Variants in TIMELESS observed in about 807,000 individuals in gnomAD.
The protein encoded by TIMELESS is timeless circadian regulator.
Under a neutral mutation model 164.3 loss-of-function variants are expected in TIMELESS, and 124 were observed. That is an observed-to-expected ratio of 0.75 (90% CI 0.65 to 0.88). TIMELESS has a LOEUF of 0.88. Ranked by LOEUF, TIMELESS falls within the 40% of genes least tolerant of loss-of-function variation. The pLI is 0.00. For missense variants in TIMELESS, 1,422 were observed against 1,491.4 expected (o/e 0.95, Z 0.77); for synonymous variants, 564 against 563.4 (o/e 1.00, Z -0.02).
intron 1 of TIMELESS, among the ~76,000 whole-genome samples, chr12:56,439,233 A>AATTTATAT (rs1882175642): frequency 6.6e-6 from 1 of 150,576 alleles, no homozygotes; most frequent in African/African-American, 2.4e-5. Flanking sequence ...TGTATGATGG[A>AATTTATAT]ATTTATATGA....
At chr12:56,446,706 C>T (rs909067766) in intron 1 of TIMELESS, among the ~76,000 whole-genome samples, 4 of 151,812 alleles carry the variant, frequency 2.6e-5, no homozygotes, top group Admixed American at 2.6e-4. Context: ...GTGGTGGGTG[C>T]CTGTAATTCC....
At position 56,448,630 on chromosome 12, in the gene TIMELESS, G is replaced by A. The variant is rs750045779; in HGVS notation, c.-62+680C>T. Among the ~76,000 whole-genome samples the A allele has an allele frequency of 1.1e-3, 174 of 151,666 alleles. 1 individual carries two copies. The highest frequency in any genetic ancestry group is 1.5e-3 in the Non-Finnish European group (99 of 67,938). On this transcript the variant is annotated intron_variant, in intron 1 of 28. Coordinates refer to ENST00000553532, the MANE Select transcript of TIMELESS (RefSeq NM_003920.5). ...TGTAATCCCAGCTACTCAGGAAGCT[G>A]AGGCAAGAGAATCGCTTGAACCCGG...
chr12:56,417,700 T>TA lies in TIMELESS; in HGVS notation c.*15dup. ...CTAAAAACGTGTCTATCTCTACCCCTAGGCTTCTTAGCTCTTCAGTCATCC... is the reference window on the plus strand; with the variant it reads ...CTAAAAACGTGTCTATCTCTACCCCTAAGGCTTCTTAGCTCTTCAGTCATCC... On this transcript the variant is annotated 3_prime_UTR_variant, in exon 29 of 29. Coordinates refer to ENST00000553532, the MANE Select transcript of TIMELESS (RefSeq NM_003920.5). The TA allele has an allele frequency of 6.2e-7, 1 of 1,614,034 alleles. No homozygotes were observed. Among genetic ancestry groups the TA allele is most frequent in the Non-Finnish European group, 8.5e-7 (1 of 1,179,898 alleles).
At chr12:56,426,437 AGTGCAATGGC>A (rs1320728402) in intron 13 of TIMELESS, among the ~76,000 whole-genome samples, 29 of 145,252 alleles carry the variant, frequency 2.0e-4, no homozygotes, top group African/African-American at 5.9e-4. Context: ...CCCAGGCTGG[AGTGCAATGGC>A]GTGATCTCGG....
intron 22 of TIMELESS, 105 bp from the exon 23 acceptor site, chr12:56,421,598 A>G (rs750772281): frequency 3.2e-5 from 48 of 1,513,406 alleles, no homozygotes; most frequent in Non-Finnish European, 4.4e-5. Flanking sequence ...TCCAAAAATG[A>G]CACTTACAAA....
intron 9 of TIMELESS, 82 bp from the exon 10 acceptor site, chr12:56,430,363 A>G: frequency 6.7e-7 from 1 of 1,501,440 alleles, no homozygotes; most frequent in Non-Finnish European, 8.9e-7. Flanking sequence ...CTCAGAAGAA[A>G]CTAATTTTTG....
rs185910858 is a variant in TIMELESS at position 56,420,203 on chromosome 12, G to A, written c.3228+366C>T. On this transcript the variant is annotated intron_variant, in intron 26 of 28. Coordinates refer to ENST00000553532, the MANE Select transcript of TIMELESS (RefSeq NM_003920.5). ...GACGAAGTATACAGGTTGTACCTAG[G>A]TTATTTACAAATACTACAAAAAGGG... Among the ~76,000 whole-genome samples the A allele has an allele frequency of 2.1e-3, 315 of 151,470 alleles. 1 individual carries two copies. Among genetic ancestry groups the A allele is most frequent in the African/African-American group, 7.4e-3 (306 of 41,268 alleles).
intron 8 of TIMELESS, 87 bp from the exon 9 acceptor site, chr12:56,431,055 T>C: frequency 3.2e-6 from 3 of 947,762 alleles, no homozygotes; most frequent in Non-Finnish European, 4.7e-6. Context: ...TGGAGCAAGT[T>C]AAAACTACAA....
rs71081360 is a variant in TIMELESS at position 56,445,422 on chromosome 12, C to CAAAAAAAA, written c.-62+3880_-62+3887dup. ...GGGAAACAAGAGCGAAACTCCACGT[C>CAAAAAAAA]AAAAAAAAAAAAAAAAAAAAAAAAA... is the stretch of plus-strand genomic sequence containing the variant. On this transcript the variant is annotated intron_variant, in intron 1 of 28. Coordinates refer to ENST00000553532, the MANE Select transcript of TIMELESS (RefSeq NM_003920.5). 1.3e-3 allele frequency among the ~76,000 whole-genome samples: 25 copies of CAAAAAAAA among 18,744 alleles called. 4 individuals carry two copies. The highest frequency in any genetic ancestry group is 5.3e-3 in the South Asian group (1 of 188). The allele number at this position is 18,744 out of a possible 152,430, so 12.3% of individuals were successfully genotyped here. A position where few individuals can be genotyped will look rare whatever the true frequency, so the allele number is the denominator to read the frequency against.
At chr12:56,448,639 G>A (rs1868438492) in intron 1 of TIMELESS, among the ~76,000 whole-genome samples, 1 of 151,470 alleles carries the variant, frequency 6.6e-6, no homozygotes, top group Admixed American at 6.6e-5. Flanking sequence ...TGAGGCAAGA[G>A]AATCGCTTGA....
chr12:56,418,030 C>A (rs758727187), intron 27 of TIMELESS, 22 bp from the exon 28 acceptor site: 11 of 1,614,156 alleles, frequency 6.8e-6, no homozygotes, highest in African/African-American at 1.3e-5. Context: ...ATAAATGACA[C>A]AAAATTAGGA....
Position 56,422,096 on chromosome 12 carries a change from G to A in TIMELESS, c.2524+10C>T, listed in dbSNP as rs749333402. 1.7e-5 allele frequency: 27 copies of A among 1,613,930 alleles called. No homozygotes were observed. Among genetic ancestry groups the A allele is most frequent in the Non-Finnish European group, 2.1e-5 (25 of 1,179,968 alleles). On this transcript the variant is annotated intron_variant, in intron 20 of 28. Coordinates refer to ENST00000553532, the MANE Select transcript of TIMELESS (RefSeq NM_003920.5). ...TCCTCATAAACTCTCCAGATCCCAA[G>A]GCCTCTCACCTTCCACGTCCTTATT...
At chr12:56,440,990 TTG>T (rs149014395) in intron 1 of TIMELESS, among the ~76,000 whole-genome samples, 72,588 of 151,562 alleles carry the variant, frequency 0.48, 17,970 homozygotes, top group Non-Finnish European at 0.53. Context: ...GCTAATTTTT[TTG>T]TGTTTTGTAG....
Position 56,428,221 on chromosome 12 carries a change from G to A in TIMELESS, c.1578+15C>T. 1 of 1,569,854 alleles carries A rather than the reference G, an allele frequency of 6.4e-7. No individual in the cohort carries two copies. Among genetic ancestry groups the A allele is most frequent in the Non-Finnish European group, 8.7e-7 (1 of 1,155,644 alleles). On this transcript the variant is annotated intron_variant, in intron 13 of 28. Coordinates refer to ENST00000553532, the MANE Select transcript of TIMELESS (RefSeq NM_003920.5). ...TCCCTTACAGCTCTTTCTACATTGT[G>A]GGGCTGCCCAGTACCTGCACCACCA...
chr12:56,429,189 T>C, intron 10 of TIMELESS, 89 bp from the exon 11 acceptor site: 1 of 1,228,624 alleles, frequency 8.1e-7, no homozygotes, highest in Non-Finnish European at 1.1e-6. Context: ...GAATGGATGC[T>C]GGACACCGTC....
chr12:56,436,486 G>C (rs1055688233), intron 1 of TIMELESS, among the ~76,000 whole-genome samples: 3 of 152,014 alleles, frequency 2.0e-5, no homozygotes, highest in African/African-American at 7.2e-5. Flanking sequence ...AAAATAAAAA[G>C]TTGGAGTCAG....
At chr12:56,418,590 TTAAA>T in intron 26 of TIMELESS, among the ~76,000 whole-genome samples, 1 of 151,170 alleles carries the variant, frequency 6.6e-6, no homozygotes, top group Admixed American at 6.6e-5. Flanking sequence ...TTTTTTTTTT[TTAAA>T]TGAGAAGGGG....
intron 2 of TIMELESS, 51 bp from the exon 3 acceptor site, chr12:56,433,977 C>A (rs762717518): frequency 7.9e-5 from 128 of 1,612,358 alleles, no homozygotes; most frequent in Non-Finnish European, 9.8e-5. Context: ...GAAGCTCCAT[C>A]CAGACCCACA....
At position 56,425,044 on chromosome 12, in the gene TIMELESS, G is replaced by C; in HGVS notation, c.1687C>G (p.Leu563Val). 6.2e-7 allele frequency: 1 copy of C among 1,614,212 alleles called. No homozygotes were observed. Among genetic ancestry groups the C allele is most frequent in the South Asian group, 1.1e-5 (1 of 91,092 alleles). ...PEEVEAVWPA[L>V]AEQLQCCAQN... ...GCACAGCACTGTAGCTGCTCAGCCA[G>C]GGCTGGCCACACAGCCTCCACTTCT... The change falls in exon 14 of 29, where the codon CTG (leucine) becomes GTG (valine). Residue 563 changes from leucine to valine, a missense_variant. Transcript: ENST00000553532.
Sources: allele counts gnomAD v4.1 joint callset (sites outside exome capture counted in the v4.1 genomes callset), GRCh38; gene constraint gnomAD v4.1.1; transcripts MANE v1.5; gene names NCBI Gene and HGNC (gene_info 2026-07-23, HGNC 2026-07-21).